Variants in AGPS observed in about 807,000 individuals in gnomAD.
AGPS encodes the protein alkylglycerone phosphate synthase, also known as alkyldihydroxyacetonephosphate synthase, peroxisomal.
Under a neutral mutation model 90.7 loss-of-function variants are expected in AGPS, and 26 were observed. That is an observed-to-expected ratio of 0.29 (90% CI 0.21 to 0.40). The LOEUF is 0.40. Among genes scored for constraint, AGPS ranks in the 10% least tolerant of loss-of-function variants. The pLI is 1.00. For missense variants in AGPS, 540 were observed against 816.1 expected, an observed-to-expected ratio of 0.66 and a Z score of 4.12; for synonymous variants, 294 against 285.3, an observed-to-expected ratio of 1.03 and a Z score of -0.31.
chr2:177,436,139 A>ATTTTTTT (rs1172040227), intron 3 of AGPS, among the ~76,000 whole-genome samples: 6,596 of 81,380 alleles, frequency 0.081, 1,388 homozygotes, highest in East Asian at 0.32. Flanking sequence ...GAAATGCTGA[A>ATTTTTTT]TTTTTTTTTT....
rs142579604 is a variant in AGPS, at chr2:177,432,613, G to A, written c.351-1714G>A. 1.3e-4 allele frequency among the ~76,000 whole-genome samples: 20 copies of A among 152,324 alleles called. No individual in the cohort carries two copies. The East Asian group carries it at 3.7e-3, about 28-fold the overall frequency. On this transcript the variant is annotated intron_variant, in intron 2 of 19. Coordinates refer to ENST00000264167, the MANE Select transcript of AGPS (RefSeq NM_003659.4). The stretch of plus-strand genomic sequence containing the variant: ...ATAGAGATATAAAGACTTTATTTTA[G>A]TGATAGAAGGTAGTTTTAAATTTTA...
intron 17 of AGPS, among the ~76,000 whole-genome samples, chr2:177,521,051 G>A (rs935971539): frequency 2.0e-5 from 3 of 152,194 alleles, no homozygotes; most frequent in Non-Finnish European, 1.5e-5. Flanking sequence ...TTCAGTGAAG[G>A]TAAAATTCTT....
Position 177,497,729 on chromosome 2 carries a change from AT to A in AGPS, c.1331del (p.Leu444TrpfsTer4). 3.8e-6 allele frequency: 6 copies of A among 1,585,344 alleles called. No homozygotes were observed. Among genetic ancestry groups the A allele is most frequent in the South Asian group, 1.1e-5 (1 of 88,564 alleles). ...CTCAGGTTTCCTCTATTTTTACATCATTTTTGGACGGATTAAAAAAGTTTTA... is the reference window on the plus strand; with the variant it reads ...CTCAGGTTTCCTCTATTTTTACATCATTTTGGACGGATTAAAAAAGTTTTA... ...KPQVSSIFTS[F>X]LDGLKKFYIT... On this transcript the variant is annotated frameshift_variant, in exon 13 of 20. Coordinates refer to ENST00000264167, the MANE Select transcript of AGPS (RefSeq NM_003659.4). LOFTEE classifies it high-confidence loss of function.
rs1338863573 is a variant in AGPS, at chr2:177,540,343, C to G, written c.*2148C>G. On this transcript the variant is annotated 3_prime_UTR_variant, in exon 20 of 20. Transcript: ENST00000264167. The stretch of plus-strand genomic sequence containing the variant: ...TTTTCCAAGTATATGCAGGACTCCC[C>G]AACCTTGATTTTATAATGGTGACTG... The G allele has an allele frequency of 6.6e-6, 1 of 151,888 alleles. No individual in the cohort carries two copies. The highest frequency in any genetic ancestry group is 1.5e-5 in the Non-Finnish European group (1 of 67,920). The allele number at this position is 151,888 out of a possible 1,614,324, so 9.4% of individuals were successfully genotyped here. A position where few individuals can be genotyped will look rare whatever the true frequency, so the allele number is the denominator to read the frequency against.
At chr2:177,430,592 G>C (rs1376050582) in intron 2 of AGPS, among the ~76,000 whole-genome samples, 2 of 152,010 alleles carry the variant, frequency 1.3e-5, no homozygotes, top group Admixed American at 6.6e-5. Flanking sequence ...CTGCTTGGCT[G>C]GGGGTGGGGG....
At chr2:177,462,165 C>T (rs868813808) in intron 9 of AGPS, 147 bp downstream of exon 9, 50 of 553,470 alleles carry the variant, frequency 9.0e-5, no homozygotes, top group Admixed American at 7.4e-4. Flanking sequence ...CCGAGGCGGG[C>T]GGATCATGAG....
At chr2:177,515,822 T>C (rs1310681886) in intron 17 of AGPS, among the ~76,000 whole-genome samples, 1 of 152,208 alleles carries the variant, frequency 6.6e-6, no homozygotes, top group Non-Finnish European at 1.5e-5. Context: ...AGTTAGAATA[T>C]GCAAAGCCTA....
chr2:177,455,205 C>T (rs1004811686), intron 8 of AGPS, among the ~76,000 whole-genome samples: 1 of 152,174 alleles, frequency 6.6e-6, no homozygotes, highest in African/African-American at 2.4e-5. Flanking sequence ...CTGAGGGGCA[C>T]ACTCTGCAGA....
intron 2 of AGPS, among the ~76,000 whole-genome samples, chr2:177,432,778 G>A (rs1686281055): frequency 6.6e-6 from 1 of 152,148 alleles, no homozygotes; most frequent in Non-Finnish European, 1.5e-5. Flanking sequence ...TGTAGGCTGT[G>A]CAAGAAACAT....
In AGPS at chr2:177,539,317, T is replaced by A. The variant is rs975361276; in HGVS notation, c.*1122T>A. On this transcript the variant is annotated 3_prime_UTR_variant, in exon 20 of 20. Transcript: ENST00000264167. ...ATTTTTTTTAAATGTAATGTATTAA[T>A]GCATATACCATAATCAAAAGTTTGA... The A allele has an allele frequency of 1.3e-5, 2 of 152,034 alleles. No individual in the cohort carries two copies. Among genetic ancestry groups the A allele is most frequent in the Admixed American group, 6.6e-5 (1 of 15,242 alleles). 9.4% of individuals were successfully genotyped at this position (152,034 alleles called of 1,614,324 possible). A position where few individuals can be genotyped will look rare whatever the true frequency, so the allele number is the denominator to read the frequency against.
rs571144045 is a variant in AGPS, at chr2:177,426,622, G to A, written c.350+6264G>A. Among the ~76,000 whole-genome samples the A allele has an allele frequency of 5.4e-4, 82 of 152,082 alleles. 1 individual carries two copies. In the Middle Eastern group the frequency reaches 0.01, roughly 19 times the overall value. ...TGAAGAGATGCTGAATTTTATCTAAGGCCTTTTCTGTGTCCATTGAGATAA... is the reference window on the plus strand; with the variant it reads ...TGAAGAGATGCTGAATTTTATCTAAAGCCTTTTCTGTGTCCATTGAGATAA... On this transcript the variant is annotated intron_variant, in intron 2 of 19. Transcript: ENST00000264167.
chr2:177,392,863 G>C lies in AGPS; in HGVS notation c.74G>C (p.Arg25Pro). 3 of 1,553,026 alleles carry C rather than the reference G, an allele frequency of 1.9e-6. No homozygotes were observed. Among genetic ancestry groups the C allele is most frequent in the Admixed American group, 1.9e-5 (1 of 51,688 alleles). The stretch of plus-strand genomic sequence containing the variant: ...GCGAGCTACGGGTCTGCAGCGGACC[G>C]GGACCGGGACCCGGACCCGGACCGC... ...AGASYGSAAD[R>P]DRDPDPDRAG... The change falls in exon 1 of 20, where the codon CGG becomes CCG. Residue 25 changes from arginine to proline, a missense_variant. Physicochemically the swap from Arg to Pro is moderately radical, Grantham distance 103 (BLOSUM62 -2). Around this residue, in one of 2 missense-constraint regions of AGPS, gnomAD observed 135 missense variants for 124.0 expected, o/e 1.09. Coordinates refer to ENST00000264167, the MANE Select transcript of AGPS (RefSeq NM_003659.4).
chr2:177,400,162 C>T (rs992073743), intron 1 of AGPS, among the ~76,000 whole-genome samples: 17 of 152,202 alleles, frequency 1.1e-4, no homozygotes, highest in Admixed American at 9.2e-4. Flanking sequence ...TTAAGTACAT[C>T]AATTGTTTGA....
intron 11 of AGPS, among the ~76,000 whole-genome samples, chr2:177,487,798 T>C (rs371553342): frequency 1.4e-4 from 21 of 152,284 alleles, no homozygotes; most frequent in Middle Eastern, 3.4e-3. Context: ...AAGACAGTTA[T>C]GAGACATGTT....
At chr2:177,476,811 G>C (rs1320647490) in intron 10 of AGPS, among the ~76,000 whole-genome samples, 4 of 151,910 alleles carry the variant, frequency 2.6e-5, no homozygotes, top group Non-Finnish European at 1.5e-5. Flanking sequence ...ATTTCTGTCA[G>C]TTTTTGCTTC....
chr2:177,543,042 A>G lies in AGPS; in HGVS notation c.*4847A>G, dbSNP rs1479611398. 6.6e-6 allele frequency: 1 copy of G among 152,222 alleles called. No individual in the cohort carries two copies. Among genetic ancestry groups the G allele is most frequent in the Admixed American group, 6.5e-5 (1 of 15,290 alleles). The allele number at this position is 152,222 out of a possible 1,614,324, so 9.4% of individuals were successfully genotyped here. Reference sequence around the variant, plus strand: ...TGTTCTAGTATATTTAACTAATTGTATGGTGGACCTGTACTCTGATACACA... The same window carrying G: ...TGTTCTAGTATATTTAACTAATTGTGTGGTGGACCTGTACTCTGATACACA... On this transcript the variant is annotated 3_prime_UTR_variant, in exon 20 of 20. Coordinates refer to ENST00000264167, the MANE Select transcript of AGPS (RefSeq NM_003659.4).
At chr2:177,467,497 G>A (rs942580929) in intron 9 of AGPS, among the ~76,000 whole-genome samples, 1 of 152,080 alleles carries the variant, frequency 6.6e-6, no homozygotes, top group South Asian at 2.1e-4. Context: ...TTTAGACTTT[G>A]GATCCTTACA....
At position 177,463,795 on chromosome 2, in the gene AGPS, G is replaced by C. The variant is rs540555205; in HGVS notation, c.996+1777G>C. ...CTTTATCAGAGTTAAGCAAATATTT[G>C]GTAAACAGCTACATTTAGCACTGTG... On this transcript the variant is annotated intron_variant, in intron 9 of 19. Coordinates refer to ENST00000264167, the MANE Select transcript of AGPS (RefSeq NM_003659.4). Among the ~76,000 whole-genome samples the C allele has an allele frequency of 1.2e-4, 18 of 152,058 alleles. No individual in the cohort carries two copies. In the East Asian group the frequency reaches 3.5e-3, roughly 29 times the overall value.
At chr2:177,443,203 A>AT (rs972113762) in intron 7 of AGPS, among the ~76,000 whole-genome samples, 1 of 152,184 alleles carries the variant, frequency 6.6e-6, no homozygotes, top group African/African-American at 2.4e-5. Context: ...ATCAAAAGTA[A>AT]TTCTTTATGT....
Sources: allele counts gnomAD v4.1 joint callset (sites outside exome capture counted in the v4.1 genomes callset), GRCh38; gene constraint gnomAD v4.1.1; regional missense constraint gnomAD v4.1.1; transcripts MANE v1.5; gene names NCBI Gene and HGNC (gene_info 2026-07-23, HGNC 2026-07-21).